The following TBC1D32 variants were observed in gnomAD, a reference collection of about 807,000 sequenced individuals.
The protein encoded by TBC1D32 is protein broad-minded.
TBC1D32 carries 151 observed loss-of-function variants against 170.3 expected under a neutral mutation model. The observed-to-expected ratio is 0.89, with a 90% CI of 0.78 to 1.01. The LOEUF is 1.01. Ranked by LOEUF, TBC1D32 falls within the 50% of genes least tolerant of loss-of-function variation. The pLI, the probability that TBC1D32 is intolerant of heterozygous loss-of-function variation, is 0.00. For missense variants in TBC1D32, 1,464 were observed against 1,457.1 expected, an observed-to-expected ratio of 1.00 and a Z score of -0.08; for synonymous variants, 498 against 488.0, an observed-to-expected ratio of 1.02 and a Z score of -0.27.
At chr6:121,245,836 G>A (rs1797524203) in intron 17 of TBC1D32, among the ~76,000 whole-genome samples, 1 of 152,074 alleles carries the variant, frequency 6.6e-6, no homozygotes, top group Admixed American at 6.6e-5. Flanking sequence ...TGTGTGTCTG[G>A]TCTGAATAGC....
chr6:121,198,533 C>T (rs1015642086), intron 22 of TBC1D32, among the ~76,000 whole-genome samples: 3 of 150,626 alleles, frequency 2.0e-5, no homozygotes, highest in African/African-American at 5.0e-5. Context: ...GGATGGATCA[C>T]GAGCTCAGGA....
chr6:121,294,586 T>A lies in TBC1D32; in HGVS notation c.1215A>T (p.Gly405=), dbSNP rs760993758. 2 of 1,611,774 alleles carry A rather than the reference T, an allele frequency of 1.2e-6. No individual in the cohort carries two copies. Among genetic ancestry groups the A allele is most frequent in the South Asian group, 2.2e-5 (2 of 90,564 alleles). The change falls in exon 11 of 32, where the codon GGA becomes GGT. Residue 405 remains glycine (G), a synonymous_variant. Coordinates refer to ENST00000398212, the MANE Select transcript of TBC1D32 (RefSeq NM_152730.6). The part of the protein sequence containing the change: ...CKTRKADETL[G]HSKHCRNKQK... ...AATACTTACTGCAATGCTTTGAATG[T>A]CCCAAAGTTTCATCAGCTTTCCTAG... is the stretch of plus-strand genomic sequence containing the variant.
intron 24 of TBC1D32, among the ~76,000 whole-genome samples, chr6:121,141,752 T>C (rs1458068395): frequency 6.6e-6 from 1 of 151,998 alleles, no homozygotes; most frequent in East Asian, 1.9e-4. Context: ...CACAGAAACT[T>C]ATGCATGAAT....
intron 1 of TBC1D32, among the ~76,000 whole-genome samples, chr6:121,331,176 C>G (rs904064567): frequency 6.6e-6 from 1 of 151,798 alleles, no homozygotes; most frequent in African/African-American, 2.4e-5. Flanking sequence ...GCAACAATTT[C>G]CCCTATAAGT....
chr6:121,308,158 T>C, intron 4 of TBC1D32, 57 bp from the exon 5 acceptor site: 1 of 1,534,624 alleles, frequency 6.5e-7, no homozygotes, highest in Non-Finnish European at 8.9e-7. Context: ...AATGCCACTT[T>C]TCCAAAACAA....
At chr6:121,256,738 G>A (rs72961385) in intron 15 of TBC1D32, among the ~76,000 whole-genome samples, 4,444 of 151,046 alleles carry the variant, frequency 0.029, 95 homozygotes, top group Middle Eastern at 0.059. Flanking sequence ...GTGCAATGGC[G>A]CGGTCTTGGC....
chr6:121,086,529 C>A (rs1417230672), intron 31 of TBC1D32, among the ~76,000 whole-genome samples: 1 of 152,076 alleles, frequency 6.6e-6, no homozygotes, highest in Non-Finnish European at 1.5e-5. Context: ...GCTGCAATAG[C>A]ACCAACAAAA....
chr6:121,290,073 C>G (rs1196536312), intron 12 of TBC1D32, among the ~76,000 whole-genome samples: 6 of 152,252 alleles, frequency 3.9e-5, no homozygotes, highest in Non-Finnish European at 5.9e-5. Context: ...CAATACCATT[C>G]AGGACATAGG....
chr6:121,150,366 T>C (rs1358509071), intron 24 of TBC1D32, among the ~76,000 whole-genome samples: 1 of 152,194 alleles, frequency 6.6e-6, no homozygotes, highest in Non-Finnish European at 1.5e-5. Flanking sequence ...GACTTGATTG[T>C]AGTGGATAAG....
chr6:121,126,366 T>C lies in TBC1D32; in HGVS notation c.2983+12A>G. On this transcript the variant is annotated intron_variant, in intron 26 of 31. Transcript: ENST00000398212. ...TGAGTCTTTTTCAAACTTCACAATG[T>C]TTAAAATGTACCTGTATACTCCACT... is the stretch of plus-strand genomic sequence containing the variant. The C allele has an allele frequency of 6.3e-7, 1 of 1,596,554 alleles. No homozygotes were observed.
rs1320324998 is a variant in TBC1D32 at position 121,281,703 on chromosome 6, A to G, written c.1466-17T>C. On this transcript the variant is annotated splice_polypyrimidine_tract_variant and intron_variant, in intron 13 of 31. Transcript: ENST00000398212. ...AGTAATTCTCTAATAAACAATAAAT[A>G]TTTTTTAATACCAAAACATTAAATA... The G allele has an allele frequency of 2.6e-6, 4 of 1,549,890 alleles. No individual in the cohort carries two copies. The African/African-American group carries it at 5.6e-5, about 22-fold the overall frequency.
intron 31 of TBC1D32, among the ~76,000 whole-genome samples, chr6:121,088,908 AAC>A (rs1776523363): frequency 6.6e-6 from 1 of 152,206 alleles, no homozygotes; most frequent in African/African-American, 2.4e-5. Context: ...TTATGCTGAA[AAC>A]ACAATGGAGA....
chr6:121,274,891 T>A (rs1422058204), intron 15 of TBC1D32, among the ~76,000 whole-genome samples: 5 of 152,086 alleles, frequency 3.3e-5, no homozygotes, highest in Non-Finnish European at 7.4e-5. Flanking sequence ...GAGAGAGGAT[T>A]TAGTCAATTA....
intron 22 of TBC1D32, among the ~76,000 whole-genome samples, chr6:121,181,213 T>C (rs1294329727): frequency 1.3e-5 from 2 of 152,062 alleles, no homozygotes; most frequent in East Asian, 3.9e-4. Context: ...ATAACTACCA[T>C]ATTGATATGG....
chr6:121,198,291 C>T (rs3956400), intron 22 of TBC1D32, among the ~76,000 whole-genome samples: 91,744 of 137,852 alleles, frequency 0.67, 35,189 homozygotes, highest in Non-Finnish European at 0.85. Context: ...CACACACACA[C>T]ATATATATGT....
intron 31 of TBC1D32, among the ~76,000 whole-genome samples, chr6:121,082,979 T>C (rs941719438): frequency 3.9e-5 from 6 of 152,024 alleles, no homozygotes; most frequent in Admixed American, 1.3e-4. Context: ...TGAATAAAAT[T>C]CCAAAATATC....
intron 20 of TBC1D32, among the ~76,000 whole-genome samples, chr6:121,237,737 A>G (rs1464713984): frequency 6.6e-6 from 1 of 151,788 alleles, no homozygotes; most frequent in Non-Finnish European, 1.5e-5. Context: ...TCTGATTTCT[A>G]ATTTTTTTAT....
rs114801413 is a variant in TBC1D32, at chr6:121,326,619, A to G, written c.156-4825T>C. The stretch of plus-strand genomic sequence containing the variant: ...CCTCATGCTTTTTTCTAGTGACTTA[A>G]TTTTTACCTATGACCACAGTAATAT... On this transcript the variant is annotated intron_variant, in intron 1 of 31. Coordinates refer to ENST00000398212, the MANE Select transcript of TBC1D32 (RefSeq NM_152730.6). 3.3e-5 allele frequency among the ~76,000 whole-genome samples: 5 copies of G among 152,244 alleles called. No homozygotes were observed. The East Asian group carries it at 9.6e-4, about 29-fold the overall frequency.
intron 14 of TBC1D32, among the ~76,000 whole-genome samples, chr6:121,279,779 C>T (rs1288842133): frequency 6.6e-6 from 1 of 151,918 alleles, no homozygotes; most frequent in Non-Finnish European, 1.5e-5. Flanking sequence ...CATATTTGCT[C>T]ACTTTTGCTT....
Sources: gnomAD v4.1 joint callset for allele counts (sites outside exome capture counted in the v4.1 genomes callset) on GRCh38, gnomAD v4.1.1 for gene constraint, MANE v1.5 for transcripts, NCBI Gene and HGNC (gene_info 2026-07-23, HGNC 2026-07-21) for gene names.